Variants in AK5 observed in about 807,000 individuals in gnomAD.
The protein encoded by AK5 is adenylate kinase isoenzyme 5.
A neutral mutation model predicts 69.5 loss-of-function variants in AK5; 27 were observed. That is an observed-to-expected ratio of 0.39 (90% CI 0.29 to 0.54). The LOEUF is 0.54. Among genes scored for constraint, AK5 ranks in the 20% least tolerant of loss-of-function variants. The pLI, the probability that AK5 is intolerant of heterozygous loss-of-function variation, is 0.71. For synonymous variants in AK5, 260 were observed against 244.4 expected (o/e 1.06, Z -0.60); for missense variants, 531 against 700.4 (o/e 0.76, Z 2.73).
chr1:77,389,827 T>G (rs1648300621), intron 6 of AK5, among the ~76,000 whole-genome samples: 1 of 151,996 alleles, frequency 6.6e-6, no homozygotes, highest in Non-Finnish European at 1.5e-5. Context: ...CTGGATGTGG[T>G]GGTGAATGCC....
At chr1:77,488,074 A>G (rs1655718240) in intron 10 of AK5, among the ~76,000 whole-genome samples, 2 of 151,960 alleles carry the variant, frequency 1.3e-5, no homozygotes, top group Non-Finnish European at 2.9e-5. Context: ...ATAAAAGGAG[A>G]GATGGGCCCA....
At chr1:77,495,734 G>A (rs1215008396) in intron 10 of AK5, among the ~76,000 whole-genome samples, 1 of 152,182 alleles carries the variant, frequency 6.6e-6, no homozygotes, top group Non-Finnish European at 1.5e-5. Flanking sequence ...GTCATGCTGA[G>A]ATTTTCTCTG....
At chr1:77,385,233 C>A (rs1412183704) in intron 6 of AK5, among the ~76,000 whole-genome samples, 1 of 152,102 alleles carries the variant, frequency 6.6e-6, no homozygotes, top group Non-Finnish European at 1.5e-5. Flanking sequence ...AATCTCGGCT[C>A]ACTGCAAGCT....
At chr1:77,522,407 G>C (rs1292418984) in intron 12 of AK5, among the ~76,000 whole-genome samples, 1 of 152,160 alleles carries the variant, frequency 6.6e-6, no homozygotes, top group Non-Finnish European at 1.5e-5. Context: ...GGAATACGCT[G>C]GCTGGCCCAG....
At chr1:77,329,993 G>A (rs1661000437) in intron 5 of AK5, among the ~76,000 whole-genome samples, 1 of 152,180 alleles carries the variant, frequency 6.6e-6, no homozygotes, top group Non-Finnish European at 1.5e-5. Flanking sequence ...AAGATGAGCA[G>A]CAGACAGAAA....
intron 7 of AK5, among the ~76,000 whole-genome samples, chr1:77,414,180 T>C (rs745731766): frequency 2.0e-5 from 3 of 152,326 alleles, no homozygotes; most frequent in Non-Finnish European, 4.4e-5. Flanking sequence ...AGTTTTGTTC[T>C]TAGATTCAGA....
intron 7 of AK5, among the ~76,000 whole-genome samples, chr1:77,413,082 G>T (rs1470064858): frequency 6.6e-6 from 1 of 151,884 alleles, no homozygotes; most frequent in East Asian, 1.9e-4. Flanking sequence ...ACTCCTGCAG[G>T]CTGGCCACGA....
intron 5 of AK5, among the ~76,000 whole-genome samples, chr1:77,306,182 T>A (rs1012750471): frequency 6.6e-6 from 1 of 152,172 alleles, no homozygotes; most frequent in African/African-American, 2.4e-5. Flanking sequence ...AAGGCTTCAG[T>A]TTTTCCCCAT....
intron 8 of AK5, among the ~76,000 whole-genome samples, chr1:77,477,859 A>G (rs1011822279): frequency 7.9e-5 from 12 of 152,182 alleles, no homozygotes; most frequent in Non-Finnish European, 1.3e-4. Flanking sequence ...GTTAATACAA[A>G]CAAGTTACTC....
chr1:77,393,728 C>T (rs537545979), intron 6 of AK5, among the ~76,000 whole-genome samples: 10 of 152,174 alleles, frequency 6.6e-5, no homozygotes, highest in African/African-American at 1.7e-4. Flanking sequence ...ATTTTCTAGA[C>T]GAGGAAAGAA....
intron 10 of AK5, among the ~76,000 whole-genome samples, chr1:77,509,152 G>A (rs990330604): frequency 2.7e-5 from 4 of 149,022 alleles, no homozygotes; most frequent in Non-Finnish European, 6.0e-5. Flanking sequence ...GAAGCTCACA[G>A]ATAGTCCATC....
chr1:77,349,062 T>A, intron 6 of AK5, among the ~76,000 whole-genome samples: 1 of 151,630 alleles, frequency 6.6e-6, no homozygotes, highest in Non-Finnish European at 1.5e-5. Context: ...GAAGACAAAA[T>A]AAAAGAAAAA....
In AK5 at chr1:77,413,818, C is replaced by T. The variant is rs116776118; in HGVS notation, c.982+2747C>T. ...ACTTCTTCTCTCTTCTCCTTCTCTG[C>T]CCTCCTCCCTGCCCCAACCCTGTCC... On this transcript the variant is annotated intron_variant, in intron 7 of 13. Coordinates refer to ENST00000354567, the MANE Select transcript of AK5 (RefSeq NM_174858.3). 7.8e-3 allele frequency among the ~76,000 whole-genome samples: 1,183 copies of T among 152,238 alleles called. 4 individuals carry two copies. Among genetic ancestry groups the T allele is most frequent in the Non-Finnish European group, 0.011 (771 of 67,992 alleles).
intron 5 of AK5, among the ~76,000 whole-genome samples, chr1:77,309,051 G>A (rs984961472): frequency 1.3e-5 from 2 of 151,452 alleles, no homozygotes; most frequent in Admixed American, 6.6e-5. Context: ...CACAGGAAGA[G>A]GACCAGCATA....
At chr1:77,411,117 C>A in intron 7 of AK5, 46 bp downstream of exon 7, 1 of 1,514,048 alleles carries the variant, frequency 6.6e-7, no homozygotes, top group Non-Finnish European at 9.1e-7. Context: ...TGATCACCTG[C>A]CAAATGTCTG....
Position 77,282,038 on chromosome 1 carries a change from A to G in AK5, c.-276A>G. 3.1e-6 allele frequency: 1 copy of G among 319,684 alleles called. No individual in the cohort carries two copies. The highest frequency in any genetic ancestry group is 5.7e-6 in the Non-Finnish European group (1 of 175,784). The allele number at this position is 319,684 out of a possible 1,614,324, so 19.8% of individuals were successfully genotyped here. The stretch of plus-strand genomic sequence containing the variant: ...ACCCCTGGCGGCCGCGCTGCCTGGC[A>G]GCCCGGGAAGCCGCGGCACAGCTGC... On this transcript the variant is annotated 5_prime_UTR_variant, in exon 1 of 14. Coordinates refer to ENST00000354567, the MANE Select transcript of AK5 (RefSeq NM_174858.3).
intron 1 of AK5, among the ~76,000 whole-genome samples, chr1:77,285,150 A>G (rs1658279914): frequency 6.6e-6 from 1 of 152,248 alleles, no homozygotes; most frequent in Non-Finnish European, 1.5e-5. Flanking sequence ...TTCCTAATCT[A>G]TAAAATGGGG....
chr1:77,428,264 T>C (rs888746492), intron 8 of AK5, among the ~76,000 whole-genome samples: 4 of 152,170 alleles, frequency 2.6e-5, no homozygotes, highest in African/African-American at 9.7e-5. Context: ...TTGACAAAGG[T>C]CACACCAAGG....
intron 8 of AK5, among the ~76,000 whole-genome samples, chr1:77,475,009 A>G (rs1654758171): frequency 6.6e-6 from 1 of 151,646 alleles, no homozygotes; most frequent in African/African-American, 2.4e-5. Flanking sequence ...CACTATGTTT[A>G]CCAGGCTGAT....
Sources: gnomAD v4.1 joint callset for allele counts (sites outside exome capture counted in the v4.1 genomes callset) on GRCh38, gnomAD v4.1.1 for gene constraint, MANE v1.5 for transcripts, NCBI Gene and HGNC (gene_info 2026-07-23, HGNC 2026-07-21) for gene names.